The following GRIP1 variants were observed in gnomAD, a reference collection of about 807,000 sequenced individuals.
GRIP1 encodes glutamate receptor-interacting protein 1.
GRIP1 carries 45 observed loss-of-function variants against 129.9 expected under a neutral mutation model. The ratio of observed to expected loss-of-function variants is 0.35; its 90% CI spans 0.27 to 0.44. The LOEUF (loss-of-function observed/expected upper bound fraction) is 0.44, where lower values mean the gene tolerates loss of function less well. Among genes scored for constraint, GRIP1 ranks in the 20% least tolerant of loss-of-function variants. The pLI is 1.00. For synonymous variants in GRIP1, 530 were observed against 520.8 expected, an observed-to-expected ratio of 1.02 and a Z score of -0.24; for missense variants, 1,196 against 1,396.8, an observed-to-expected ratio of 0.86 and a Z score of 2.29.
intron 1 of GRIP1, among the ~76,000 whole-genome samples, chr12:66,868,065 T>A (rs11176466): frequency 0.073 from 11,051 of 152,180 alleles, 517 homozygotes; most frequent in Admixed American, 0.11. Context: ...ACATACTTAA[T>A]CTCACTTATG....
intron 7 of GRIP1, among the ~76,000 whole-genome samples, chr12:66,476,128 T>A (rs534806964): frequency 6.6e-6 from 1 of 151,922 alleles, no homozygotes; most frequent in African/African-American, 2.4e-5. Flanking sequence ...CTAGCAAGAC[T>A]AATAAAGAAA....
At chr12:66,694,487 G>A (rs1272169476) in intron 1 of GRIP1, among the ~76,000 whole-genome samples, 1 of 152,032 alleles carries the variant, frequency 6.6e-6, no homozygotes, top group Non-Finnish European at 1.5e-5. Context: ...CTTGGCAGAT[G>A]GGCACAGTGC....
chr12:66,507,363 A>G (rs1373859395), intron 7 of GRIP1, among the ~76,000 whole-genome samples: 3 of 152,122 alleles, frequency 2.0e-5, no homozygotes, highest in South Asian at 4.2e-4. Flanking sequence ...GCGTGAACCC[A>G]GGAGGTGGAG....
At chr12:66,895,898 T>G (rs1381244952) in intron 1 of GRIP1, among the ~76,000 whole-genome samples, 1 of 152,044 alleles carries the variant, frequency 6.6e-6, no homozygotes, top group Non-Finnish European at 1.5e-5. Flanking sequence ...AAACTCAAAA[T>G]GACTATGGCC....
rs999900621 is a variant in GRIP1, at chr12:66,929,652, C to T, written c.58+139398G>A. On this transcript the variant is annotated intron_variant, in intron 1 of 1. Transcript: ENST00000643019. The stretch of plus-strand genomic sequence containing the variant: ...CTTTCCTCCTTCATATTTGCCTGCT[C>T]AAGTATTACCTGTTCTAAGCACAAC... Among the ~76,000 whole-genome samples the T allele has an allele frequency of 1.5e-4, 23 of 152,300 alleles. 1 individual carries two copies. In the Middle Eastern group the frequency reaches 0.017, roughly 113 times the overall value.
chr12:67,025,721 G>A (rs1459081855), intron 1 of GRIP1, among the ~76,000 whole-genome samples: 2 of 152,102 alleles, frequency 1.3e-5, no homozygotes, highest in Non-Finnish European at 2.9e-5. Flanking sequence ...GGGTCATGAC[G>A]GCGAGGGTCC....
At chr12:66,980,356 T>C (rs1336716959) in intron 1 of GRIP1, among the ~76,000 whole-genome samples, 4 of 152,160 alleles carry the variant, frequency 2.6e-5, no homozygotes, top group Non-Finnish European at 5.9e-5. Flanking sequence ...TTCACACCTG[T>C]AATCCCAGCA....
intron 1 of GRIP1, among the ~76,000 whole-genome samples, chr12:67,027,008 G>A (rs955392194): frequency 3.9e-5 from 6 of 152,074 alleles, no homozygotes; most frequent in Non-Finnish European, 7.4e-5. Flanking sequence ...CTACAGCCTC[G>A]ACCTCCAGGG....
intron 1 of GRIP1, among the ~76,000 whole-genome samples, chr12:66,715,300 A>G (rs561713724): frequency 1.3e-5 from 2 of 152,036 alleles, no homozygotes; most frequent in African/African-American, 4.8e-5. Flanking sequence ...AGCCTGTCTC[A>G]TGGTCCTGCT....
rs114780902 is a variant in GRIP1, at chr12:66,794,498, G to A, written c.-420+9555C>T. ...CTTGGGAGAGTGAGCAGGGTTGTGG[G>A]AAATTTCACATGAAGGCAGTGTTTG... is the stretch of plus-strand genomic sequence containing the variant. On this transcript the variant is annotated intron_variant, in intron 1 of 4. Transcript: ENST00000538373. 1.4e-3 allele frequency among the ~76,000 whole-genome samples: 210 copies of A among 152,280 alleles called. 2 individuals carry two copies. Among genetic ancestry groups the A allele is most frequent in the African/African-American group, 4.9e-3 (203 of 41,578 alleles).
At chr12:66,557,210 A>C (rs1366923576) in intron 2 of GRIP1, among the ~76,000 whole-genome samples, 1 of 152,172 alleles carries the variant, frequency 6.6e-6, no homozygotes, top group Non-Finnish European at 1.5e-5. Context: ...TTTGAGACAA[A>C]AACTGTGAGA....
rs147976682 is a variant in GRIP1 at position 66,478,039 on chromosome 12, T to A, written c.725-12617A>T. On this transcript the variant is annotated intron_variant, in intron 7 of 24. Coordinates refer to ENST00000359742, the MANE Select transcript of GRIP1 (RefSeq NM_001366722.1). ...CAAAATTGACAAATGGGATCTAATT[T>A]AACTAAAGAGCTTCTGTGCAGCAAA... 1.4e-3 allele frequency among the ~76,000 whole-genome samples: 208 copies of A among 152,172 alleles called. 4 individuals are homozygous for A. In the East Asian group the frequency reaches 0.028, roughly 21 times the overall value.
At chr12:66,918,018 C>G (rs951115204) in intron 1 of GRIP1, among the ~76,000 whole-genome samples, 7 of 151,826 alleles carry the variant, frequency 4.6e-5, no homozygotes, top group Admixed American at 6.6e-5. Context: ...TTGGCTGACA[C>G]ATAAGAATTG....
intron 1 of GRIP1, among the ~76,000 whole-genome samples, chr12:66,704,501 C>G (rs1334895175): frequency 6.6e-6 from 1 of 151,868 alleles, no homozygotes; most frequent in Non-Finnish European, 1.5e-5. Flanking sequence ...AGAATCAACA[C>G]AAATAACAAA....
chr12:66,785,343 C>CATACATACATATATAT (rs377630345), intron 1 of GRIP1, among the ~76,000 whole-genome samples: 860 of 72,752 alleles, frequency 0.012, 20 homozygotes, highest in African/African-American at 0.018. Context: ...TACATACATA[C>CATACATACATATATAT]ATATATATAT....
Position 66,359,070 on chromosome 12 carries a change from G to A in GRIP1, c.3013-5507C>T, listed in dbSNP as rs556402625. On this transcript the variant is annotated intron_variant, in intron 23 of 24. Transcript: ENST00000359742. ...CCGTCGCCACCATTCCTAGAGGGTG[G>A]GGCATCCTCCTTGCTATCTCCATTC... Among the ~76,000 whole-genome samples, 3 of 152,236 alleles carry A rather than the reference G, an allele frequency of 2.0e-5. No individual in the cohort carries two copies. In the South Asian group the frequency reaches 6.2e-4, roughly 32 times the overall value.
chr12:66,998,201 C>T (rs960990658), intron 1 of GRIP1, among the ~76,000 whole-genome samples: 7 of 152,076 alleles, frequency 4.6e-5, no homozygotes, highest in Admixed American at 2.6e-4. Context: ...GTTCAAAAGC[C>T]GCATGTGGCT....
chr12:66,614,819 G>A (rs919414471), intron 1 of GRIP1, among the ~76,000 whole-genome samples: 4 of 151,976 alleles, frequency 2.6e-5, no homozygotes, highest in East Asian at 1.9e-4. Flanking sequence ...CTCCTTCAAC[G>A]TGTCAAGCTC....
chr12:66,649,750 G>A (rs896808908), intron 1 of GRIP1, among the ~76,000 whole-genome samples: 7 of 152,156 alleles, frequency 4.6e-5, no homozygotes, highest in African/African-American at 1.4e-4. Context: ...CGTAGGTTTC[G>A]GATACACGGA....
Sources: gnomAD v4.1 joint callset for allele counts (sites outside exome capture counted in the v4.1 genomes callset) on GRCh38, gnomAD v4.1.1 for gene constraint, MANE v1.5 for transcripts, NCBI Gene and HGNC (gene_info 2026-07-23, HGNC 2026-07-21) for gene names.